LRRC49: variants seen among roughly 807,000 people sequenced by gnomAD.
LRRC49 encodes leucine-rich repeat-containing protein 49.
LRRC49 carries 50 observed loss-of-function variants against 83.3 expected under a neutral mutation model. That is an observed-to-expected ratio of 0.60 (90% CI 0.48 to 0.76). LRRC49 has a LOEUF of 0.76. Ranked by LOEUF, LRRC49 falls within the 30% of genes least tolerant of loss-of-function variation. The pLI is 0.00. For synonymous variants in LRRC49, 286 were observed against 283.3 expected, an observed-to-expected ratio of 1.01 and a Z score of -0.10; for missense variants, 704 against 809.1, an observed-to-expected ratio of 0.87 and a Z score of 1.58.
At chr15:71,035,353 AT>A (rs573890746) in intron 14 of LRRC49, among the ~76,000 whole-genome samples, 7 of 151,268 alleles carry the variant, frequency 4.6e-5, no homozygotes, top group South Asian at 2.1e-4. Context: ...TTAAAGATTT[AT>A]TTTTTTTTAT....
chr15:70,895,936 G>C lies in LRRC49; in HGVS notation c.193G>C (p.Gly65Arg), dbSNP rs2033819090. The C allele has an allele frequency of 6.3e-7, 1 of 1,576,236 alleles. No homozygotes were observed. Among genetic ancestry groups the C allele is most frequent in the African/African-American group, 1.4e-5 (1 of 73,954 alleles). The change falls in exon 3 of 16, where the codon GGT becomes CGT. Residue 65 changes from glycine to arginine, a missense_variant and splice_region_variant. Physicochemically the swap from Gly to Arg is moderately radical, Grantham distance 125. Around this residue, in one of 3 missense-constraint regions of LRRC49, gnomAD observed 261 missense variants for 330.5 expected, o/e 0.79. Coordinates refer to ENST00000260382, the MANE Select transcript of LRRC49 (RefSeq NM_017691.5). ...DLERNYSSRQ[G>R]DHINLVSSSL... The stretch of plus-strand genomic sequence containing the variant: ...TGAAAGAAACTACTCAAGTAGGCAA[G>C]GTATTGTCAGTGAATAGAGATCAGA...
chr15:70,901,026 T>C lies in LRRC49; in HGVS notation c.296+2T>C. ...CTCAGACAGGTTGAGCCTAGAAAGG[T>C]GAGGACAATTTCTTTTCTTTTCTTT... On this transcript the variant is annotated splice_donor_variant, in intron 4 of 15. Transcript: ENST00000260382. LOFTEE classifies it high-confidence loss of function. 1 of 1,567,670 alleles carries C rather than the reference T, an allele frequency of 6.4e-7. No homozygotes were observed. Among genetic ancestry groups the C allele is most frequent in the Non-Finnish European group, 8.7e-7 (1 of 1,147,752 alleles).
chr15:71,001,127 G>A (rs1236411447), intron 11 of LRRC49, among the ~76,000 whole-genome samples: 1 of 152,006 alleles, frequency 6.6e-6, no homozygotes, highest in Non-Finnish European at 1.5e-5. Context: ...TCTTCCTAAA[G>A]TTTTAACATT....
At chr15:70,986,611 T>C (rs1009739486) in intron 11 of LRRC49, among the ~76,000 whole-genome samples, 3 of 148,590 alleles carry the variant, frequency 2.0e-5, no homozygotes, top group African/African-American at 7.4e-5. Flanking sequence ...CTTTTCCTAA[T>C]TGAATACCCT....
At chr15:70,859,845 T>C (rs956901744) in intron 1 of LRRC49, 1 of 766,168 alleles carries the variant, frequency 1.3e-6, no homozygotes, top group Non-Finnish European at 2.4e-6. Context: ...CAGGAGCTGA[T>C]GAATGTCAAG....
intron 14 of LRRC49, among the ~76,000 whole-genome samples, chr15:71,023,216 G>A (rs1247250082): frequency 1.3e-5 from 2 of 152,070 alleles, no homozygotes; most frequent in Admixed American, 6.6e-5. Flanking sequence ...AAGTGAATGC[G>A]CTAAAACACT....
At chr15:70,972,486 A>G (rs1157996036) in intron 9 of LRRC49, among the ~76,000 whole-genome samples, 1 of 152,084 alleles carries the variant, frequency 6.6e-6, no homozygotes, top group African/African-American at 2.4e-5. Context: ...CTTGAGGAGT[A>G]TCTTTGTGGT....
At chr15:70,959,224 G>A (rs1013967123) in intron 8 of LRRC49, among the ~76,000 whole-genome samples, 32 of 152,274 alleles carry the variant, frequency 2.1e-4, no homozygotes, top group Non-Finnish European at 4.1e-4. Context: ...TGGATGCGGT[G>A]GCTCACGCCT....
At chr15:70,904,789 G>A (rs774694543) in intron 5 of LRRC49, 34 bp downstream of exon 5, 15 of 1,479,862 alleles carry the variant, frequency 1.0e-5, no homozygotes, top group African/African-American at 5.6e-5. Context: ...GTAGCCTAAT[G>A]TTATGTGTAG....
chr15:70,901,150 T>A, intron 4 of LRRC49, 126 bp downstream of exon 4: 1 of 572,128 alleles, frequency 1.7e-6, no homozygotes, highest in Non-Finnish European at 3.0e-6. Context: ...CCTATTTAGA[T>A]ATAATTTTTT....
At chr15:71,017,308 C>T (rs960573415) in intron 14 of LRRC49, among the ~76,000 whole-genome samples, 1 of 152,066 alleles carries the variant, frequency 6.6e-6, no homozygotes. Context: ...CATTTTATAT[C>T]TTAGAAAGGC....
At chr15:71,029,106 A>G (rs1357336229) in intron 14 of LRRC49, among the ~76,000 whole-genome samples, 1 of 152,078 alleles carries the variant, frequency 6.6e-6, no homozygotes, top group Non-Finnish European at 1.5e-5. Context: ...TTCCCTCTTA[A>G]CACTGCTTTA....
At chr15:70,857,779 T>C (rs1201670979) in intron 1 of LRRC49, among the ~76,000 whole-genome samples, 1 of 152,220 alleles carries the variant, frequency 6.6e-6, no homozygotes, top group Non-Finnish European at 1.5e-5. Flanking sequence ...TGAAGCTGAC[T>C]AGAAAAGCTC....
At chr15:70,863,288 C>CA (rs1047300347) in intron 1 of LRRC49, among the ~76,000 whole-genome samples, 15 of 152,316 alleles carry the variant, frequency 9.8e-5, no homozygotes, top group Middle Eastern at 3.4e-3. Flanking sequence ...AATAATCTCC[C>CA]AAGTGGTTTC....
At chr15:70,904,979 T>G (rs559295501) in intron 5 of LRRC49, among the ~76,000 whole-genome samples, 1 of 152,346 alleles carries the variant, frequency 6.6e-6, no homozygotes, top group South Asian at 2.1e-4. Context: ...TTACTTCCAT[T>G]GCTTTCCAGT....
At chr15:70,963,165 A>G (rs984509803) in intron 8 of LRRC49, among the ~76,000 whole-genome samples, 9 of 150,974 alleles carry the variant, frequency 6.0e-5, no homozygotes, top group African/African-American at 2.2e-4. Flanking sequence ...AGTTCCAACT[A>G]CTTGGGTTGC....
chr15:71,026,865 G>A (rs1596155951), intron 14 of LRRC49, among the ~76,000 whole-genome samples: 2 of 152,166 alleles, frequency 1.3e-5, no homozygotes, highest in African/African-American at 4.8e-5. Flanking sequence ...TGGGTCGCTT[G>A]CAAAAATTTT....
chr15:71,049,633 T>C lies in LRRC49; in HGVS notation c.*21T>C. On this transcript the variant is annotated 3_prime_UTR_variant, in exon 16 of 16. Coordinates refer to ENST00000260382, the MANE Select transcript of LRRC49 (RefSeq NM_017691.5). The stretch of plus-strand genomic sequence containing the variant: ...AATAAAAATGGCCTTTAGTTACAGT[T>C]GATTTTGGCAGTTTTATTTTTTGAA... 1 of 1,553,228 alleles carries C rather than the reference T, an allele frequency of 6.4e-7. No homozygotes were observed. Among genetic ancestry groups the C allele is most frequent in the Non-Finnish European group, 8.8e-7 (1 of 1,135,804 alleles).
At chr15:70,960,582 A>G (rs1368523168) in intron 8 of LRRC49, among the ~76,000 whole-genome samples, 2 of 152,212 alleles carry the variant, frequency 1.3e-5, no homozygotes, top group Non-Finnish European at 1.5e-5. Context: ...GTGAAAGAGT[A>G]GACACATGTA....
Sources: allele counts gnomAD v4.1 joint callset (sites outside exome capture counted in the v4.1 genomes callset), GRCh38; gene constraint gnomAD v4.1.1; regional missense constraint gnomAD v4.1.1; transcripts MANE v1.5; gene names NCBI Gene and HGNC (gene_info 2026-07-23, HGNC 2026-07-21).